Variants in KCNQ1OT1 observed in about 807,000 individuals in gnomAD.
KCNQ1OT1 encodes the protein KCNQ1 opposite strand/antisense transcript 1, also known as KCNQ1 antisense RNA 2 (non-protein coding).
At chr11:2,628,021 G>A (rs1217185951) in exon 1 of KCNQ1OT1, 1 of 398,384 alleles carries the variant, frequency 2.5e-6, no homozygotes, top group African/African-American at 2.1e-5. Flanking sequence ...CCAAGTACTG[G>A]GATTACAGGT....
rs373619287 is a variant in KCNQ1OT1 at position 2,661,426 on chromosome 11, A to AC, written n.38568dup. On this transcript the variant is annotated non_coding_transcript_exon_variant, in exon 1 of 1. Coordinates refer to ENST00000597346, the Ensembl canonical transcript of KCNQ1OT1. The surrounding 1 kb of genome is among the most constrained non-coding windows in gnomAD (Gnocchi z 5.9). Reference sequence around the variant, plus strand: ...ACTCCTGTGCCTCATTGGGGGTACAACTGGTTGATGTAGCATCGTGTTTTG... The same window carrying AC: ...ACTCCTGTGCCTCATTGGGGGTACAACCTGGTTGATGTAGCATCGTGTTTTG... The AC allele has an allele frequency of 3.5e-4, 149 of 423,502 alleles. No individual in the cohort carries two copies. The highest frequency in any genetic ancestry group is 6.2e-4 in the Admixed American group (16 of 25,752). The allele number at this position is 423,502 out of a possible 1,614,324, so 26.2% of individuals were successfully genotyped here. A position where few individuals can be genotyped will look rare whatever the true frequency, so the allele number is the denominator to read the frequency against.
rs1849139093 is a variant in KCNQ1OT1, at chr11:2,620,009, C to T, written n.79986G>A. ...ACCCAATAGGTAGGTTTTCAGCCCACCTCTCCATTCCTCCCCCAAGTAGTC... is the reference window on the plus strand; with the variant it reads ...ACCCAATAGGTAGGTTTTCAGCCCATCTCTCCATTCCTCCCCCAAGTAGTC... On this transcript the variant is annotated non_coding_transcript_exon_variant, in exon 1 of 1. Transcript: ENST00000597346. The surrounding 1 kb of genome is among the most constrained non-coding windows in gnomAD (Gnocchi z 4.5). 2 of 397,618 alleles carry T rather than the reference C, an allele frequency of 5.0e-6. No individual in the cohort carries two copies. The highest frequency in any genetic ancestry group is 2.6e-4 in the South Asian group (2 of 7,774). 24.6% of individuals were successfully genotyped at this position (397,618 alleles called of 1,614,324 possible).
At chr11:2,660,540 CAA>C (rs1284100722) in exon 1 of KCNQ1OT1, 1 of 398,418 alleles carries the variant, frequency 2.5e-6, no homozygotes, top group Non-Finnish European at 4.4e-6. Flanking sequence ...AAAATTCCTA[CAA>C]AGTGATAAGC....
rs1029670466 is a variant in KCNQ1OT1 at position 2,608,626 on chromosome 11, G to A, written n.91369C>T. 1.0e-5 allele frequency: 4 copies of A among 398,348 alleles called. No individual in the cohort carries two copies. Among genetic ancestry groups the A allele is most frequent in the Non-Finnish European group, 1.8e-5 (4 of 226,052 alleles). The allele number at this position is 398,348 out of a possible 1,614,324, so 24.7% of individuals were successfully genotyped here. On this transcript the variant is annotated non_coding_transcript_exon_variant, in exon 1 of 1. Coordinates refer to ENST00000597346, the Ensembl canonical transcript of KCNQ1OT1. This position sits in a 1 kb window ranked among gnomAD's most constrained non-coding sequence, Gnocchi z 4.6. ...ACAGGTGTGCACCACAACACCAGCT[G>A]TTATTCAAAAAATATTTTGTAGAGA... is the stretch of plus-strand genomic sequence containing the variant.
At chr11:2,686,396 C>A in exon 1 of KCNQ1OT1, 4 of 398,684 alleles carry the variant, frequency 1.0e-5, no homozygotes, top group Non-Finnish European at 1.8e-5. Context: ...ACCCCAACCC[C>A]TGACTAGGAT....
chr11:2,692,742 C>T (rs1171599099), exon 1 of KCNQ1OT1: 2 of 398,558 alleles, frequency 5.0e-6, no homozygotes, highest in Non-Finnish European at 8.8e-6. Context: ...CTATCAAATC[C>T]CTCCCTCTGG....
At chr11:2,641,543 G>A (rs1291923231) in exon 1 of KCNQ1OT1, 12 of 398,218 alleles carry the variant, frequency 3.0e-5, no homozygotes. Context: ...TTAGTACCTT[G>A]TCAGATGAGT....
exon 1 of KCNQ1OT1, chr11:2,622,518 G>A: frequency 5.0e-6 from 2 of 398,326 alleles, no homozygotes; most frequent in Non-Finnish European, 4.4e-6. Context: ...TCTGCTTTTT[G>A]GAGAATTTAA....
At position 2,674,240 on chromosome 11, in the gene KCNQ1OT1, G is replaced by A. The variant is rs1294262736; in HGVS notation, n.25755C>T. 3 of 398,624 alleles carry A rather than the reference G, an allele frequency of 7.5e-6. No individual in the cohort carries two copies. The highest frequency in any genetic ancestry group is 6.2e-5 in the African/African-American group (3 of 48,622). 24.7% of individuals were successfully genotyped at this position (398,624 alleles called of 1,614,324 possible). On this transcript the variant is annotated non_coding_transcript_exon_variant, in exon 1 of 1. Coordinates refer to ENST00000597346, the Ensembl canonical transcript of KCNQ1OT1. This position sits in a 1 kb window ranked among gnomAD's most constrained non-coding sequence, Gnocchi z 5.9. ...TGGGGCCCAGATAGATGTGAGCAGA[G>A]CTGGAGGCCCCTCTCTCCCAGCCCC...
chr11:2,696,657 G>A (rs1412761590), exon 1 of KCNQ1OT1: 11 of 398,510 alleles, frequency 2.8e-5, no homozygotes, highest in South Asian at 2.5e-4. Context: ...AAATCCTGAC[G>A]TCATTCTAAT....
exon 1 of KCNQ1OT1, chr11:2,662,547 T>G (rs1441923616): frequency 4.7e-6 from 2 of 428,042 alleles, no homozygotes; most frequent in African/African-American, 2.0e-5. Context: ...CGCCTTCCAG[T>G]TGGCCTTCCC....
chr11:2,677,338 T>TA lies in KCNQ1OT1; in HGVS notation n.22656dup. On this transcript the variant is annotated non_coding_transcript_exon_variant, in exon 1 of 1. Coordinates refer to ENST00000597346, the Ensembl canonical transcript of KCNQ1OT1. This position sits in a 1 kb window ranked among gnomAD's most constrained non-coding sequence, Gnocchi z 4.5. ...AAATGATGTCAAATGATTTCTCAAA[T>TA]AGAGACTGGGCAGAGTAGACCAGTT... 2 of 398,568 alleles carry TA rather than the reference T, an allele frequency of 5.0e-6. No individual in the cohort carries two copies. Among genetic ancestry groups the TA allele is most frequent in the East Asian group, 7.1e-5 (2 of 28,068 alleles). The allele number at this position is 398,568 out of a possible 1,614,324, so 24.7% of individuals were successfully genotyped here.
At position 2,691,309 on chromosome 11, in the gene KCNQ1OT1, T is replaced by C. The variant is rs1254185509; in HGVS notation, n.8686A>G. On this transcript the variant is annotated non_coding_transcript_exon_variant, in exon 1 of 1. Transcript: ENST00000597346. This position sits in a 1 kb window ranked among gnomAD's most constrained non-coding sequence, Gnocchi z 6.4. The stretch of plus-strand genomic sequence containing the variant: ...GAGCTGACAAGAAAAAGGCGATGTC[T>C]CACCCCTGAGCTACAATCCACTGCA... 1.3e-5 allele frequency: 5 copies of C among 398,486 alleles called. No homozygotes were observed. Among genetic ancestry groups the C allele is most frequent in the Non-Finnish European group, 1.8e-5 (4 of 226,094 alleles). 24.7% of individuals were successfully genotyped at this position (398,486 alleles called of 1,614,324 possible).
At chr11:2,697,783 G>A in exon 1 of KCNQ1OT1, 1 of 398,598 alleles carries the variant, frequency 2.5e-6, no homozygotes, top group Non-Finnish European at 4.4e-6. Context: ...ATTGTACAAG[G>A]AACTTCTGCA....
At chr11:2,681,411 G>C (rs972332231) in exon 1 of KCNQ1OT1, 1 of 398,372 alleles carries the variant, frequency 2.5e-6, no homozygotes, top group African/African-American at 2.1e-5. Flanking sequence ...GGCAAAGAAT[G>C]GGGATCCCTG....
chr11:2,682,475 C>CGAGT lies in KCNQ1OT1; in HGVS notation n.17516_17519dup, dbSNP rs3831584. 23,584 of 390,080 alleles carry CGAGT rather than the reference C, an allele frequency of 0.06. 1,021 individuals carry two copies. The highest frequency in any genetic ancestry group is 0.16 in the African/African-American group (7,632 of 47,690). The allele number at this position is 390,080 out of a possible 1,614,324, so 24.2% of individuals were successfully genotyped here. A position where few individuals can be genotyped will look rare whatever the true frequency, so the allele number is the denominator to read the frequency against. On this transcript the variant is annotated non_coding_transcript_exon_variant, in exon 1 of 1. Coordinates refer to ENST00000597346, the Ensembl canonical transcript of KCNQ1OT1. This position sits in a 1 kb window ranked among gnomAD's most constrained non-coding sequence, Gnocchi z 5.8. Reference sequence around the variant, plus strand: ...TCACGGACCCTCAGTGAATGTTTGACGAGTGAGTGAGTGAGTGAGTGAGTG... The same window carrying CGAGT: ...TCACGGACCCTCAGTGAATGTTTGACGAGTGAGTGAGTGAGTGAGTGAGTGAGTG...
Position 2,633,494 on chromosome 11 carries a change from T to G in KCNQ1OT1, n.66501A>C, listed in dbSNP as rs1589993716. ...CCTTCTGTTTTCTTCTAGTACTGTTTGCTTCAGGTCTCATGTTTAAGTCTC... is the reference window on the plus strand; with the variant it reads ...CCTTCTGTTTTCTTCTAGTACTGTTGGCTTCAGGTCTCATGTTTAAGTCTC... On this transcript the variant is annotated non_coding_transcript_exon_variant, in exon 1 of 1. Transcript: ENST00000597346. 1.0e-5 allele frequency: 4 copies of G among 398,586 alleles called. No individual in the cohort carries two copies. The East Asian group carries it at 1.4e-4, about 14-fold the overall frequency. 24.7% of individuals were successfully genotyped at this position (398,586 alleles called of 1,614,324 possible). A position where few individuals can be genotyped will look rare whatever the true frequency, so the allele number is the denominator to read the frequency against.
exon 1 of KCNQ1OT1, chr11:2,697,856 C>T: frequency 2.5e-6 from 1 of 398,624 alleles, no homozygotes; most frequent in East Asian, 3.6e-5. Context: ...TTTGGACATG[C>T]TCTGATTCGC....
chr11:2,666,282 G>C (rs774351801), exon 1 of KCNQ1OT1: 4 of 398,646 alleles, frequency 1.0e-5, no homozygotes, highest in African/African-American at 4.1e-5. Context: ...GGCAGAGGGG[G>C]TGGAAAGAAG....
Sources: gnomAD v4.1 joint callset for allele counts on GRCh38, gnomAD v4.1.1 for gene constraint, Gnocchi (gnomAD v3.1) non-coding constraint, MANE v1.5 for transcripts, NCBI Gene and HGNC (gene_info 2026-07-23, HGNC 2026-07-21) for gene names.